DIPK1C: variants seen among roughly 807,000 people sequenced by gnomAD.
DIPK1C encodes the protein familial non-conventional Alzheimer's dementia.
Under a neutral mutation model 28.0 loss-of-function variants are expected in DIPK1C, and 33 were observed. The observed-to-expected ratio is 1.18, with a 90% confidence interval of 0.89 to 1.58. The LOEUF (loss-of-function observed/expected upper bound fraction) is 1.58, where lower values mean the gene tolerates loss of function less well. Among genes scored for constraint, DIPK1C ranks in the 40% most tolerant of loss-of-function variants. The pLI, the probability that DIPK1C is intolerant of heterozygous loss-of-function variation, is 0.00. For missense variants in DIPK1C, 569 were observed against 568.5 expected, an observed-to-expected ratio of 1.00 and a Z score of -0.01; for synonymous variants, 255 against 248.8, an observed-to-expected ratio of 1.02 and a Z score of -0.23.
intron 2 of DIPK1C, among the ~76,000 whole-genome samples, chr18:74,442,617 CCG>C (rs1986168162): frequency 1.3e-5 from 2 of 152,222 alleles, no homozygotes; most frequent in Non-Finnish European, 2.9e-5. Flanking sequence ...GCATGAGCCA[CCG>C]TGCCCGGCCG....
intron 2 of DIPK1C, 112 bp from the exon 3 acceptor site, chr18:74,442,228 G>A: frequency 7.8e-7 from 1 of 1,276,636 alleles, no homozygotes; most frequent in South Asian, 1.4e-5. Context: ...CCAGGTCACA[G>A]GTGATCCCAG....
rs539183078 is a variant in DIPK1C, at chr18:74,450,015, G to A, written c.199-2732C>T. On this transcript the variant is annotated intron_variant, in intron 1 of 3. Coordinates refer to ENST00000343998, the MANE Select transcript of DIPK1C (RefSeq NM_001044369.3). ...TTCGGAGGAAAGCGGCAGCTGGTCA[G>A]GCTCCTCTGAGACCTTTCAGGAGAG... Among the ~76,000 whole-genome samples, 11 of 152,232 alleles carry A rather than the reference G, an allele frequency of 7.2e-5. No individual in the cohort carries two copies. The South Asian group carries it at 2.3e-3, about 32-fold the overall frequency.
At chr18:74,459,709 T>G (rs1986589049), upstream of DIPK1C, among the ~76,000 whole-genome samples, 1 of 152,176 alleles carries the variant, frequency 6.6e-6, no homozygotes, top group Non-Finnish European at 1.5e-5. Context: ...GAAATAAGCC[T>G]TAGTCCTCCG....
upstream of DIPK1C, among the ~76,000 whole-genome samples, chr18:74,461,754 AT>A (rs1599045956): frequency 6.6e-6 from 1 of 151,848 alleles, no homozygotes; most frequent in East Asian, 1.9e-4. Flanking sequence ...TCGTCATCTT[AT>A]TTATTTATTC....
chr18:74,462,037 C>T (rs1048242239), upstream of DIPK1C, among the ~76,000 whole-genome samples: 105 of 152,262 alleles, frequency 6.9e-4, no homozygotes, highest in African/African-American at 2.3e-3. Flanking sequence ...GCTAGGATTA[C>T]AGGCATGAGC....
chr18:74,449,951 G>A (rs1401421574), intron 1 of DIPK1C, among the ~76,000 whole-genome samples: 3 of 152,126 alleles, frequency 2.0e-5, no homozygotes, highest in African/African-American at 4.8e-5. Flanking sequence ...GACCCTTTGC[G>A]CCCAGCATGC....
chr18:74,441,011 G>T (rs1287690822), intron 3 of DIPK1C, among the ~76,000 whole-genome samples: 1 of 152,176 alleles, frequency 6.6e-6, no homozygotes, highest in Non-Finnish European at 1.5e-5. Context: ...GCCTGGCTGG[G>T]ACCACTAGGT....
intron 3 of DIPK1C, among the ~76,000 whole-genome samples, chr18:74,437,619 A>G (rs982538069): frequency 1.3e-5 from 2 of 152,208 alleles, no homozygotes; most frequent in African/African-American, 4.8e-5. Context: ...CTTCCATTTC[A>G]CAATCCCTGC....
intron 2 of DIPK1C, among the ~76,000 whole-genome samples, chr18:74,446,364 A>G (rs925325675): frequency 6.6e-6 from 1 of 152,232 alleles, no homozygotes; most frequent in African/African-American, 2.4e-5. Context: ...TGGGAGGACG[A>G]AGCTGGCCCG....
In DIPK1C at chr18:74,442,016, C is replaced by T; in HGVS notation, c.977G>A (p.Cys326Tyr). The T allele has an allele frequency of 6.2e-7, 1 of 1,614,068 alleles. No homozygotes were observed. Among genetic ancestry groups the T allele is most frequent in the Non-Finnish European group, 8.5e-7 (1 of 1,179,948 alleles). Reference sequence around the variant, plus strand: ...GACTCGTAAATCACATCTTGAAAAACAGTCAAAGAAATTGCAGTCTTCATC... The same window carrying T: ...GACTCGTAAATCACATCTTGAAAAATAGTCAAAGAAATTGCAGTCTTCATC... ...TGDEDCNFFD[C>Y]FSRCDLRVNK... is the part of the protein sequence containing the mutation. Residue 326 changes from cysteine to tyrosine, a missense_variant, in exon 3 of 4, where the codon TGT (cysteine) becomes TAT (tyrosine). By Grantham distance (194) the Cys-to-Tyr change is radical (BLOSUM62 -2). Transcript: ENST00000343998.
At chr18:74,462,146 T>C (rs1986626978), upstream of DIPK1C, among the ~76,000 whole-genome samples, 1 of 152,206 alleles carries the variant, frequency 6.6e-6, no homozygotes, top group Non-Finnish European at 1.5e-5. Flanking sequence ...AATTCGGTGA[T>C]TCTCAAGACA....
chr18:74,457,856 T>C (rs1020282396), upstream of DIPK1C: 1 of 152,018 alleles, frequency 6.6e-6, no homozygotes, highest in Non-Finnish European at 1.5e-5. Context: ...GTCAGTAGGT[T>C]CTGGGACGAC....
At chr18:74,442,313 A>ATTTCCT (rs1320653285) in intron 2 of DIPK1C, among the ~76,000 whole-genome samples, 197 bp from the exon 3 acceptor site, 21 of 151,258 alleles carry the variant, frequency 1.4e-4, no homozygotes, top group African/African-American at 4.2e-4. Context: ...GTCTGCATGC[A>ATTTCCT]TTTTCTTTTT....
Position 74,447,360 on chromosome 18 carries a change from G to A in DIPK1C, c.199-77C>T. On this transcript the variant is annotated intron_variant, in intron 1 of 3. Coordinates refer to ENST00000343998, the MANE Select transcript of DIPK1C (RefSeq NM_001044369.3). This position sits in a 1 kb window ranked among gnomAD's most constrained non-coding sequence, Gnocchi z 4.1. ...TCTCTCGGCTCGGGTTAGGGAAGGGGACAGCCTAGCCTCTGCCCTCAGGAC... is the reference window on the plus strand; with the variant it reads ...TCTCTCGGCTCGGGTTAGGGAAGGGAACAGCCTAGCCTCTGCCCTCAGGAC... The A allele has an allele frequency of 1.4e-6, 2 of 1,382,666 alleles. No homozygotes were observed. The highest frequency in any genetic ancestry group is 2.4e-5 in the Admixed American group (1 of 41,452). The allele number at this position is 1,382,666 out of a possible 1,614,324, so 85.6% of individuals were successfully genotyped here. A position where few individuals can be genotyped will look rare whatever the true frequency, so the allele number is the denominator to read the frequency against.
chr18:74,457,621 A>T (rs1986547913), upstream of DIPK1C, among the ~76,000 whole-genome samples: 1 of 151,970 alleles, frequency 6.6e-6, no homozygotes, highest in African/African-American at 2.4e-5. Context: ...ACATATCTTT[A>T]ATTGTCACAT....
chr18:74,454,000 A>C (rs1986451760), intron 1 of DIPK1C, among the ~76,000 whole-genome samples: 1 of 152,242 alleles, frequency 6.6e-6, no homozygotes, highest in African/African-American at 2.4e-5. Context: ...TGAAGAGTTC[A>C]GCCTGCAGAA....
intron 1 of DIPK1C, among the ~76,000 whole-genome samples, chr18:74,454,441 G>A (rs977174366): frequency 6.6e-6 from 1 of 152,222 alleles, no homozygotes; most frequent in Admixed American, 6.5e-5. Context: ...CGCCAGGCGA[G>A]AGCCTGGGAA....
At chr18:74,456,534 G>C (rs755360754) in intron 1 of DIPK1C, among the ~76,000 whole-genome samples, 12 of 152,206 alleles carry the variant, frequency 7.9e-5, no homozygotes, top group African/African-American at 1.9e-4. Context: ...TGGAGCGCAG[G>C]GGGGCCGGGG....
At chr18:74,453,929 C>T (rs7239814) in intron 1 of DIPK1C, among the ~76,000 whole-genome samples, 3 of 152,102 alleles carry the variant, frequency 2.0e-5, no homozygotes, top group East Asian at 1.9e-4. Context: ...CGAAACAATT[C>T]GCACAGTGCC....
Sources: allele counts gnomAD v4.1 joint callset (sites outside exome capture counted in the v4.1 genomes callset), GRCh38; gene constraint gnomAD v4.1.1; non-coding constraint Gnocchi (gnomAD v3.1); transcripts MANE v1.5; gene names NCBI Gene and HGNC (gene_info 2026-07-23, HGNC 2026-07-21).